Variants in LAMTOR3 observed in about 807,000 individuals in gnomAD.
The protein encoded by LAMTOR3 is late endosomal/lysosomal adaptor, MAPK and MTOR activator 3.
In LAMTOR3, 14 loss-of-function variants were observed where a neutral mutation model predicts 20.3. The ratio of observed to expected loss-of-function variants is 0.69; its 90% CI spans 0.46 to 1.08. The LOEUF is 1.08. LAMTOR3 is among the 50% of genes least tolerant of loss of function. The pLI is 0.00. For synonymous variants in LAMTOR3, 40 were observed against 49.4 expected, an observed-to-expected ratio of 0.81 and a Z score of 0.80; for missense variants, 125 against 143.7, an observed-to-expected ratio of 0.87 and a Z score of 0.67.
rs1724876769 is a variant in LAMTOR3 at position 99,884,137 on chromosome 4, A to G, written c.238-12T>C. 6.2e-7 allele frequency: 1 copy of G among 1,600,998 alleles called. No individual in the cohort carries two copies. The highest frequency in any genetic ancestry group is 8.6e-7 in the Non-Finnish European group (1 of 1,168,824). ...TTAAATTGAACCACCTAAAAAGAAA[A>G]TAAGAGCCAAATAATATGTTGCATT... On this transcript the variant is annotated splice_polypyrimidine_tract_variant and intron_variant, in intron 5 of 6. Coordinates refer to ENST00000499666, the MANE Select transcript of LAMTOR3 (RefSeq NM_021970.4).
In LAMTOR3 at chr4:99,880,582, C is replaced by G. The variant is rs1383279455; in HGVS notation, c.*1412G>C. 6.6e-6 allele frequency: 1 copy of G among 152,188 alleles called. No individual in the cohort carries two copies. The highest frequency in any genetic ancestry group is 2.4e-5 in the African/African-American group (1 of 41,266). 9.4% of individuals were successfully genotyped at this position (152,188 alleles called of 1,614,324 possible). A position where few individuals can be genotyped will look rare whatever the true frequency, so the allele number is the denominator to read the frequency against. On this transcript the variant is annotated 3_prime_UTR_variant, in exon 7 of 7. Coordinates refer to ENST00000499666, the MANE Select transcript of LAMTOR3 (RefSeq NM_021970.4). ...CTGCACTCCAGACTGGGCAACACAGCAAGACTCTGTCTCTTAAAAAAAAAA... is the reference window on the plus strand; with the variant it reads ...CTGCACTCCAGACTGGGCAACACAGGAAGACTCTGTCTCTTAAAAAAAAAA...
intron 3 of LAMTOR3, among the ~76,000 whole-genome samples, chr4:99,891,003 T>C (rs189291983): frequency 3.9e-5 from 6 of 152,350 alleles, no homozygotes; most frequent in Admixed American, 3.9e-4. Context: ...ACAGATGATG[T>C]AATTAGAATC....
rs1223302055 is a variant in LAMTOR3, at chr4:99,893,613, TTC to T, written c.9+340_9+341del. Among the ~76,000 whole-genome samples, 19 of 152,308 alleles carry T rather than the reference TTC, an allele frequency of 1.2e-4. No homozygotes were observed. In the East Asian group the frequency reaches 3.7e-3, roughly 29 times the overall value. ...GTGGGTACATGTCCTACTGACCAAA[TTC>T]TGACAGGAAAAGCAGCAAACCATCA... On this transcript the variant is annotated intron_variant, in intron 2 of 6. Transcript: ENST00000499666.
In LAMTOR3 at chr4:99,892,010, T is replaced by C; in HGVS notation, c.34A>G (p.Lys12Glu). The change falls in exon 3 of 7, where the codon AAG becomes GAG. Residue 12 changes from lysine (K) to glutamate (E), a missense_variant. Lys to Glu is a moderately conservative substitution (Grantham distance 56). Coordinates refer to ENST00000499666, the MANE Select transcript of LAMTOR3 (RefSeq NM_021970.4). ...ADDLKRFLYKKLPSVEGLHAI... is the reference protein window; with the variant it reads ...ADDLKRFLYKELPSVEGLHAI... Reference sequence around the variant, plus strand: ...TTAAAAATTTCTTACCTTGGTAACTTTTTATACAAGAATCGCTTTAGGTCC... The same window carrying C: ...TTAAAAATTTCTTACCTTGGTAACTCTTTATACAAGAATCGCTTTAGGTCC... 1 of 1,571,426 alleles carries C rather than the reference T, an allele frequency of 6.4e-7. No individual in the cohort carries two copies.
At chr4:99,893,322 CTTATT>C (rs1024817680) in intron 2 of LAMTOR3, among the ~76,000 whole-genome samples, 3 of 152,160 alleles carry the variant, frequency 2.0e-5, no homozygotes, top group African/African-American at 4.8e-5. Context: ...AGAAGACTAT[CTTATT>C]TTGTCTCATT....
At position 99,881,715 on chromosome 4, in the gene LAMTOR3, C is replaced by T. The variant is rs1724830459; in HGVS notation, c.*279G>A. 1 of 346,290 alleles carries T rather than the reference C, an allele frequency of 2.9e-6. No individual in the cohort carries two copies. Among genetic ancestry groups the T allele is most frequent in the African/African-American group, 2.2e-5 (1 of 46,034 alleles). The allele number at this position is 346,290 out of a possible 1,614,324, so 21.5% of individuals were successfully genotyped here. On this transcript the variant is annotated 3_prime_UTR_variant, in exon 7 of 7. Coordinates refer to ENST00000499666, the MANE Select transcript of LAMTOR3 (RefSeq NM_021970.4). Reference sequence around the variant, plus strand: ...TGATCCACTGAATAGAATCTCTCATCCATATCTGGTGACCAGACTAACTCC... The same window carrying T: ...TGATCCACTGAATAGAATCTCTCATTCATATCTGGTGACCAGACTAACTCC...
At chr4:99,884,496 A>G (rs927669016) in intron 5 of LAMTOR3, among the ~76,000 whole-genome samples, 3 of 152,222 alleles carry the variant, frequency 2.0e-5, no homozygotes, top group African/African-American at 7.2e-5. Flanking sequence ...TATCTTCATG[A>G]TATTTTCTGG....
Position 99,893,999 on chromosome 4 carries a change from G to T in LAMTOR3, c.-36C>A. ...CTTCTCTCGCAGGATCAATCTCCAC[G>T]CCTGGAAGAGAAACTCCCGGTGACT... On this transcript the variant is annotated splice_region_variant and 5_prime_UTR_variant, in exon 2 of 7. Coordinates refer to ENST00000499666, the MANE Select transcript of LAMTOR3 (RefSeq NM_021970.4). The T allele has an allele frequency of 6.6e-7, 1 of 1,516,940 alleles. No individual in the cohort carries two copies. Among genetic ancestry groups the T allele is most frequent in the Non-Finnish European group, 8.9e-7 (1 of 1,125,640 alleles). The allele number at this position is 1,516,940 out of a possible 1,614,324, so 94.0% of individuals were successfully genotyped here. A position where few individuals can be genotyped will look rare whatever the true frequency, so the allele number is the denominator to read the frequency against.
intron 3 of LAMTOR3, 97 bp downstream of exon 3, chr4:99,891,903 G>A: frequency 6.7e-7 from 1 of 1,483,964 alleles, no homozygotes; most frequent in South Asian, 1.3e-5. Flanking sequence ...GGAAATCTCA[G>A]AGATACTTCA....
At chr4:99,884,211 T>C in intron 5 of LAMTOR3, 86 bp from the exon 6 acceptor site, 1 of 995,192 alleles carries the variant, frequency 1.0e-6, no homozygotes, top group Non-Finnish European at 1.6e-6. Context: ...TTTCAAAAAC[T>C]TTAAAATCAT....
rs955672064 is a variant in LAMTOR3 at position 99,881,022 on chromosome 4, T to C, written c.*972A>G. 1 of 152,248 alleles carries C rather than the reference T, an allele frequency of 6.6e-6. No homozygotes were observed. The allele number at this position is 152,248 out of a possible 1,614,324, so 9.4% of individuals were successfully genotyped here. The stretch of plus-strand genomic sequence containing the variant: ...CAGGCTGGGGTGCAGTGGCACAATC[T>C]TGGCTGACTGCAATCTCAGGTTTCT... On this transcript the variant is annotated 3_prime_UTR_variant, in exon 7 of 7. Coordinates refer to ENST00000499666, the MANE Select transcript of LAMTOR3 (RefSeq NM_021970.4).
chr4:99,892,712 CTTG>C (rs1334436051), intron 2 of LAMTOR3, among the ~76,000 whole-genome samples: 1 of 146,548 alleles, frequency 6.8e-6, no homozygotes, highest in South Asian at 2.2e-4. Flanking sequence ...GAGTTTCGCT[CTTG>C]TTGTCCAGGC....
intron 4 of LAMTOR3, among the ~76,000 whole-genome samples, chr4:99,886,883 AAAC>A (rs377646110): frequency 5.6e-5 from 8 of 144,068 alleles, no homozygotes; most frequent in African/African-American, 1.8e-4. Flanking sequence ...TATTATCCTA[AAAC>A]AACTAGCAAT....
chr4:99,887,382 A>C (rs1724948408), intron 3 of LAMTOR3, 28 bp from the exon 4 acceptor site: 2 of 1,089,212 alleles, frequency 1.8e-6, no homozygotes, highest in Non-Finnish European at 2.5e-6. Context: ...TTAAAATATA[A>C]AAAAAGTTAA....
chr4:99,882,157 T>C (rs1319656061), intron 6 of LAMTOR3, 90 bp from the exon 7 acceptor site: 1 of 729,634 alleles, frequency 1.4e-6, no homozygotes, highest in African/African-American at 1.8e-5. Context: ...AATACATAGT[T>C]ACCAAAAGTA....
At chr4:99,889,385 G>A (rs1724983943) in intron 3 of LAMTOR3, among the ~76,000 whole-genome samples, 1 of 152,136 alleles carries the variant, frequency 6.6e-6, no homozygotes, top group Non-Finnish European at 1.5e-5. Flanking sequence ...GACAAGGTAA[G>A]TTATGATATA....
At chr4:99,885,752 A>T in intron 4 of LAMTOR3, 77 bp from the exon 5 acceptor site, 1 of 1,237,048 alleles carries the variant, frequency 8.1e-7, no homozygotes, top group Non-Finnish European at 1.1e-6. Flanking sequence ...TTTTTCATAA[A>T]CCTCTTTTTA....
chr4:99,892,110 T>C (rs975098744), intron 2 of LAMTOR3, 76 bp from the exon 3 acceptor site: 1 of 1,468,458 alleles, frequency 6.8e-7, no homozygotes, highest in African/African-American at 1.5e-5. Context: ...CTATCCAAAT[T>C]TTAAGGAACT....
intron 4 of LAMTOR3, among the ~76,000 whole-genome samples, chr4:99,886,648 A>G (rs1427988725): frequency 6.6e-6 from 1 of 152,228 alleles, no homozygotes; most frequent in Admixed American, 6.5e-5. Context: ...TTTCATTTCT[A>G]AAGTCTAAAA....
Sources: allele counts gnomAD v4.1 joint callset (sites outside exome capture counted in the v4.1 genomes callset), GRCh38; gene constraint gnomAD v4.1.1; transcripts MANE v1.5; gene names NCBI Gene and HGNC (gene_info 2026-07-23, HGNC 2026-07-21).